Variants in RGS12 observed in about 807,000 individuals in gnomAD.
RGS12 encodes the protein regulator of G protein signaling 12.
In RGS12, 66 loss-of-function variants were observed where a neutral mutation model predicts 120.1. That is an observed-to-expected ratio of 0.55 (90% CI 0.45 to 0.67). The LOEUF (loss-of-function observed/expected upper bound fraction) is 0.67, where lower values mean the gene tolerates loss of function less well. Among genes scored for constraint, RGS12 ranks in the 30% least tolerant of loss-of-function variants. The probability of loss-of-function intolerance (pLI) is 0.00; values close to 1 mark genes in which losing one functional copy is unlikely to be tolerated. For missense variants in RGS12, 1,859 were observed against 1,957.7 expected (o/e 0.95, Z 0.95); for synonymous variants, 827 against 804.7 (o/e 1.03, Z -0.47).
At chr4:3,384,638 C>T (rs1718631413) in intron 3 of RGS12, among the ~76,000 whole-genome samples, 1 of 152,236 alleles carries the variant, frequency 6.6e-6, no homozygotes, top group African/African-American at 2.4e-5. Flanking sequence ...GGTGTGTGCT[C>T]TTTCCCCTTC....
intron 1 of RGS12, among the ~76,000 whole-genome samples, chr4:3,298,310 T>G (rs745840616): frequency 1.3e-5 from 2 of 152,248 alleles, no homozygotes; most frequent in Non-Finnish European, 2.9e-5. Flanking sequence ...GTTGATCCTC[T>G]AATTCTCTTT....
chr4:3,318,984 C>G (rs970973955), intron 2 of RGS12, among the ~76,000 whole-genome samples: 7 of 152,216 alleles, frequency 4.6e-5, no homozygotes, highest in Non-Finnish European at 8.8e-5. Context: ...TGTTCACATC[C>G]TGAGACCATC....
chr4:3,338,701 C>G (rs1001269628), intron 2 of RGS12, among the ~76,000 whole-genome samples: 1 of 152,112 alleles, frequency 6.6e-6, no homozygotes, highest in Admixed American at 6.5e-5. Context: ...GTGTGGTGGC[C>G]GAAGGCTGGG....
In RGS12 at chr4:3,430,813, G is replaced by A; in HGVS notation, c.3972G>A (p.Val1324=). ...AQIWKRQSQE[V]EAGGIQTVED... ...TCTGGAAGAGGCAGTCTCAGGAAGT[G>A]GAGGCCGGGGGCATCCAGACGGTGG... The change falls in exon 17 of 18, where the codon GTG becomes GTA. Residue 1324 remains valine (V), a synonymous_variant. Coordinates refer to ENST00000336727, the MANE Select transcript of RGS12 (RefSeq NM_001394154.1). The A allele has an allele frequency of 6.2e-7, 1 of 1,611,972 alleles. No homozygotes were observed. Among genetic ancestry groups the A allele is most frequent in the Non-Finnish European group, 8.5e-7 (1 of 1,179,564 alleles).
At chr4:3,357,699 T>C (rs1237620481) in intron 3 of RGS12, among the ~76,000 whole-genome samples, 2 of 152,146 alleles carry the variant, frequency 1.3e-5, no homozygotes, top group African/African-American at 2.4e-5. Context: ...TTTCTGGGCT[T>C]CCTGTTCTAT....
intron 1 of RGS12, among the ~76,000 whole-genome samples, chr4:3,310,648 G>A (rs1724333182): frequency 6.6e-6 from 1 of 152,106 alleles, no homozygotes; most frequent in African/African-American, 2.4e-5. Context: ...CATGGGGCGG[G>A]TATCAGATCG....
intron 6 of RGS12, among the ~76,000 whole-genome samples, chr4:3,415,402 C>G (rs1321039365): frequency 1.3e-5 from 2 of 152,224 alleles, no homozygotes; most frequent in Admixed American, 1.3e-4. Flanking sequence ...ACAGCTTTCA[C>G]AGCAGATGGG....
intron 14 of RGS12, among the ~76,000 whole-genome samples, chr4:3,427,833 T>A (rs573890234): frequency 6.6e-6 from 1 of 152,334 alleles, no homozygotes; most frequent in South Asian, 2.1e-4. Context: ...GTATATGAAA[T>A]GAGCTTTTCA....
intron 1 of RGS12, among the ~76,000 whole-genome samples, chr4:3,298,149 C>T (rs182184361): frequency 6.6e-6 from 1 of 152,114 alleles, no homozygotes; most frequent in Non-Finnish European, 1.5e-5. Context: ...CTGAGAAGCC[C>T]GATAATGGCA....
At chr4:3,314,446 A>G (rs1363429486) in intron 1 of RGS12, 8 of 152,244 alleles carry the variant, frequency 5.3e-5, no homozygotes, top group Non-Finnish European at 8.8e-5. Flanking sequence ...TTTGTCACCC[A>G]GGCTGGAGTG....
rs1382596069 is a variant in RGS12, at chr4:3,317,872, A to C, written c.1702A>C (p.Asn568His). Residue 568 changes from asparagine to histidine, a missense_variant, in exon 2 of 18, where the codon AAC (asparagine) becomes CAC (histidine). By Grantham distance (68) the Asn-to-His change is moderately conservative (BLOSUM62 1). This residue lies in a region of RGS12 where 967 missense variants were observed against 994.2 expected (regional missense o/e 0.97). Coordinates refer to ENST00000336727, the MANE Select transcript of RGS12 (RefSeq NM_001394154.1). ...TTCCACCGATGGCTGGTCCAGCATC[A>C]ACTGCGGCACACTGCCCCCTCCTAT... is the stretch of plus-strand genomic sequence containing the variant. ...TDSTDGWSSI[N>H]CGTLPPPMSK... 3 of 1,613,668 alleles carry C rather than the reference A, an allele frequency of 1.9e-6. No individual in the cohort carries two copies. The highest frequency in any genetic ancestry group is 2.7e-5 in the African/African-American group (2 of 74,946).
chr4:3,306,598 C>T (rs925683524), intron 1 of RGS12, among the ~76,000 whole-genome samples: 3 of 152,216 alleles, frequency 2.0e-5, no homozygotes, highest in Non-Finnish European at 2.9e-5. Flanking sequence ...ATGACATTTC[C>T]TTCCTTAAAC....
intron 2 of RGS12, among the ~76,000 whole-genome samples, chr4:3,337,732 C>T (rs1272197476): frequency 2.0e-5 from 3 of 152,162 alleles, no homozygotes; most frequent in Non-Finnish European, 4.4e-5. Flanking sequence ...GGCAGAGCTT[C>T]GTTCTGGGAA....
intron 1 of RGS12, among the ~76,000 whole-genome samples, chr4:3,301,064 C>T (rs569425412): frequency 2.0e-5 from 3 of 152,110 alleles, no homozygotes; most frequent in Admixed American, 6.5e-5. Context: ...CTGTCCCCGG[C>T]TGCCCTCCTC....
At chr4:3,404,655 G>A (rs969880089) in intron 4 of RGS12, among the ~76,000 whole-genome samples, 3 of 152,222 alleles carry the variant, frequency 2.0e-5, no homozygotes, top group African/African-American at 7.2e-5. Flanking sequence ...AGTATGAACC[G>A]ATGGCTTTCA....
chr4:3,342,142 G>A (rs77765267), intron 2 of RGS12, among the ~76,000 whole-genome samples: 3,255 of 152,054 alleles, frequency 0.021, 114 homozygotes, highest in African/African-American at 0.075. Context: ...CAGGTGGAGA[G>A]ACAAAAGTAG....
At position 3,389,798 on chromosome 4, in the gene RGS12, C is replaced by T. The variant is rs1351815310; in HGVS notation, c.2020+3361C>T. Reference sequence around the variant, plus strand: ...CTGGCTTTGGGGGACGGTGGCAGGTCCACATGACACCCCACATACATGACC... The same window carrying T: ...CTGGCTTTGGGGGACGGTGGCAGGTTCACATGACACCCCACATACATGACC... On this transcript the variant is annotated intron_variant, in intron 4 of 17. Coordinates refer to ENST00000336727, the MANE Select transcript of RGS12 (RefSeq NM_001394154.1). The surrounding 1 kb of genome is among the most constrained non-coding windows in gnomAD (Gnocchi z 5.2). Among the ~76,000 whole-genome samples, 1 of 152,192 alleles carries T rather than the reference C, an allele frequency of 6.6e-6. No homozygotes were observed. The highest frequency in any genetic ancestry group is 1.5e-5 in the Non-Finnish European group (1 of 68,024).
chr4:3,337,701 G>A (rs1712629031), intron 2 of RGS12, among the ~76,000 whole-genome samples: 2 of 152,146 alleles, frequency 1.3e-5, no homozygotes, highest in Admixed American at 6.5e-5. Flanking sequence ...GGAGGGGAAT[G>A]GAGAGTGCGT....
At chr4:3,353,893 A>G (rs1405011339) in intron 3 of RGS12, among the ~76,000 whole-genome samples, 1 of 152,084 alleles carries the variant, frequency 6.6e-6, no homozygotes, top group Non-Finnish European at 1.5e-5. Flanking sequence ...AAAACCAGAA[A>G]GCTCTGGGCA....
Sources: gnomAD v4.1 joint callset for allele counts (sites outside exome capture counted in the v4.1 genomes callset) on GRCh38, gnomAD v4.1.1 for gene constraint, gnomAD v4.1.1 regional missense constraint, Gnocchi (gnomAD v3.1) non-coding constraint, MANE v1.5 for transcripts, NCBI Gene and HGNC (gene_info 2026-07-23, HGNC 2026-07-21) for gene names.